CSMD1: variants seen among roughly 807,000 people sequenced by gnomAD.
CSMD1 encodes the protein CUB and sushi domain-containing protein 1.
CSMD1 carries 213 observed loss-of-function variants against 417.5 expected under a neutral mutation model. The ratio of observed to expected loss-of-function variants is 0.51; its 90% CI spans 0.46 to 0.57. The LOEUF is 0.57. Among genes scored for constraint, CSMD1 ranks in the 20% least tolerant of loss-of-function variants. CSMD1 has a pLI of 0.00. For synonymous variants in CSMD1, 2,862 were observed against 1,736.8 expected, an observed-to-expected ratio of 1.65 and a Z score of -16.11; for missense variants, 6,923 against 4,529.7, an observed-to-expected ratio of 1.53 and a Z score of -15.17.
intron 17 of CSMD1, among the ~76,000 whole-genome samples, chr8:3,395,258 T>G (rs1335505795): frequency 2.6e-5 from 4 of 152,208 alleles, no homozygotes; most frequent in Non-Finnish European, 4.4e-5. Flanking sequence ...GCCATAAAAC[T>G]TTGGCAAAAT....
At chr8:4,048,039 A>T (rs1218494267) in intron 3 of CSMD1, among the ~76,000 whole-genome samples, 1 of 151,522 alleles carries the variant, frequency 6.6e-6, no homozygotes, top group Non-Finnish European at 1.5e-5. Flanking sequence ...CACTAAAATG[A>T]CATGTAGAAT....
In CSMD1 at chr8:3,461,491, A is replaced by G. The variant is rs377390182; in HGVS notation, c.1561+7221T>C. ...AAGCAGGAGTAGCTGTCTCACCTCC[A>G]CCCCAGGAGCTGATTGAGATCTCTG... is the stretch of plus-strand genomic sequence containing the variant. On this transcript the variant is annotated intron_variant, in intron 12 of 69. Transcript: ENST00000635120. Among the ~76,000 whole-genome samples, 274 of 152,240 alleles carry G rather than the reference A, an allele frequency of 1.8e-3. 2 individuals carry two copies. Among genetic ancestry groups the G allele is most frequent in the African/African-American group, 6.4e-3 (267 of 41,546 alleles).
intron 1 of CSMD1, chr8:4,788,029 A>C: frequency 2.5e-6 from 4 of 1,589,460 alleles, no homozygotes; most frequent in Non-Finnish European, 3.4e-6. Context: ...GTAACTCCTG[A>C]AGGGCTCCAA....
At chr8:4,899,793 G>T (rs895929687) in intron 1 of CSMD1, among the ~76,000 whole-genome samples, 1 of 152,110 alleles carries the variant, frequency 6.6e-6, no homozygotes, top group Non-Finnish European at 1.5e-5. Flanking sequence ...GAGGATACAA[G>T]CACAGAATAT....
intron 36 of CSMD1, among the ~76,000 whole-genome samples, chr8:3,182,749 C>CGG (rs1821443673): frequency 9.5e-6 from 1 of 105,792 alleles, no homozygotes; most frequent in South Asian, 3.1e-4. Context: ...ATAAGAAGCT[C>CGG]TGTGTGTGTG....
chr8:4,286,296 C>G lies in CSMD1; in HGVS notation c.415+133657G>C, dbSNP rs1797051610. Among the ~76,000 whole-genome samples, 2 of 152,090 alleles carry G rather than the reference C, an allele frequency of 1.3e-5. 1 individual carries two copies. The highest frequency in any genetic ancestry group is 1.3e-4 in the Admixed American group (2 of 15,248). On this transcript the variant is annotated intron_variant, in intron 3 of 69. Transcript: ENST00000635120. ...GCTTCTACTTAGTGCTATCTGTCCT[C>G]AGGGGCCGTTGTTCTTGTCACTTTG...
intron 1 of CSMD1, among the ~76,000 whole-genome samples, chr8:4,660,014 A>T (rs1406928912): frequency 1.3e-5 from 2 of 151,700 alleles, no homozygotes; most frequent in Admixed American, 1.3e-4. Flanking sequence ...AACTATAATT[A>T]TACTTAATAG....
intron 7 of CSMD1, among the ~76,000 whole-genome samples, chr8:3,636,519 C>T (rs1168242325): frequency 6.6e-6 from 1 of 152,148 alleles, no homozygotes; most frequent in Non-Finnish European, 1.5e-5. Flanking sequence ...GCCAGTCAAA[C>T]CCCTTTTACT....
At chr8:4,667,896 G>A (rs373176717) in intron 1 of CSMD1, among the ~76,000 whole-genome samples, 1 of 152,116 alleles carries the variant, frequency 6.6e-6, no homozygotes, top group African/African-American at 2.4e-5. Flanking sequence ...GAATTGAATA[G>A]CAGTGGTTAG....
At chr8:3,832,688 C>T (rs1264976513) in intron 5 of CSMD1, among the ~76,000 whole-genome samples, 1 of 152,136 alleles carries the variant, frequency 6.6e-6, no homozygotes, top group African/African-American at 2.4e-5. Context: ...ACTATAGATT[C>T]ATGACTGTAT....
At chr8:4,156,783 G>A (rs1390874608) in intron 3 of CSMD1, among the ~76,000 whole-genome samples, 2 of 152,140 alleles carry the variant, frequency 1.3e-5, no homozygotes, top group Non-Finnish European at 2.9e-5. Context: ...AGACTTTTGG[G>A]AAGGGCCCAA....
intron 1 of CSMD1, among the ~76,000 whole-genome samples, chr8:4,701,467 C>T (rs1175863140): frequency 1.3e-5 from 2 of 152,054 alleles, no homozygotes; most frequent in African/African-American, 2.4e-5. Flanking sequence ...ATGCACAGTA[C>T]TCCTCCTCCC....
chr8:4,724,093 G>A (rs1037013146), intron 1 of CSMD1, among the ~76,000 whole-genome samples: 3 of 152,130 alleles, frequency 2.0e-5, no homozygotes, highest in East Asian at 1.9e-4. Context: ...ACTTAAGTGA[G>A]CCATTGCAAT....
rs529914159 is a variant in CSMD1, at chr8:3,615,002, C to T, written c.1097+1708G>A. Among the ~76,000 whole-genome samples, 4 of 152,262 alleles carry T rather than the reference C, an allele frequency of 2.6e-5. No homozygotes were observed. In the East Asian group the frequency reaches 5.8e-4, roughly 22 times the overall value. On this transcript the variant is annotated intron_variant, in intron 8 of 69. Transcript: ENST00000635120. ...GAAGGAATACATAGAATGGGGAGCC[C>T]TTGGAAGAATGGGCAATTTTATTTC...
At position 3,408,002 on chromosome 8, in the gene CSMD1, G is replaced by C. The variant is rs757119379; in HGVS notation, c.1968C>G (p.Gly656=). The change falls in exon 14 of 70, where the codon GGC becomes GGG. Residue 656 remains glycine (G), a synonymous_variant. Coordinates refer to ENST00000635120, the MANE Select transcript of CSMD1 (RefSeq NM_033225.6). The part of the protein sequence containing the change: ...SDITVLGTFS[G]NEVPSQLASS... ...TGGCCAGCTGGGAAGGCACTTCATT[G>C]CCAGAAAAAGTACCCAGGACAGTTA... is the stretch of plus-strand genomic sequence containing the variant. 9.3e-6 allele frequency: 15 copies of C among 1,613,850 alleles called. No individual in the cohort carries two copies. The East Asian group carries it at 2.7e-4, about 29-fold the overall frequency.
chr8:3,579,735 T>A (rs1271967671), intron 9 of CSMD1, among the ~76,000 whole-genome samples: 1 of 152,226 alleles, frequency 6.6e-6, no homozygotes, highest in Non-Finnish European at 1.5e-5. Flanking sequence ...TTAATTAGAA[T>A]AATCATAACT....
At chr8:4,005,070 G>A (rs1355283969) in intron 4 of CSMD1, among the ~76,000 whole-genome samples, 1 of 152,134 alleles carries the variant, frequency 6.6e-6, no homozygotes, top group Non-Finnish European at 1.5e-5. Flanking sequence ...TCTCACTGAT[G>A]TGTGGGAGCC....
chr8:4,565,749 C>CATATATATATATAT (rs58696547), intron 2 of CSMD1, among the ~76,000 whole-genome samples: 1 of 118,480 alleles, frequency 8.4e-6, no homozygotes, highest in African/African-American at 3.6e-5. Context: ...AAAATATATA[C>CATATATATATATAT]ATATATATAT....
Position 4,547,614 on chromosome 8 carries a change from T to A in CSMD1, c.302+89728A>T, listed in dbSNP as rs574318478. 8.1e-4 allele frequency among the ~76,000 whole-genome samples: 124 copies of A among 152,310 alleles called. 1 individual carries two copies. Among genetic ancestry groups the A allele is most frequent in the African/African-American group, 2.7e-3 (114 of 41,572 alleles). On this transcript the variant is annotated intron_variant, in intron 2 of 69. Transcript: ENST00000635120. The stretch of plus-strand genomic sequence containing the variant: ...TGCCTGTGTCATTCTTTACTGTTTT[T>A]CCACAATTAAAAAGACTTAAACATT...
Sources: gnomAD v4.1 joint callset for allele counts (sites outside exome capture counted in the v4.1 genomes callset) on GRCh38, gnomAD v4.1.1 for gene constraint, MANE v1.5 for transcripts, NCBI Gene and HGNC (gene_info 2026-07-23, HGNC 2026-07-21) for gene names.